The following PDE1C variants were observed in gnomAD, a reference collection of about 807,000 sequenced individuals.
The protein encoded by PDE1C is phosphodiesterase 1C.
In PDE1C, 62 loss-of-function variants were observed where a neutral mutation model predicts 93.1. The observed-to-expected ratio is 0.67, with a 90% confidence interval of 0.54 to 0.82. PDE1C has a LOEUF of 0.82. PDE1C is among the 40% of genes least tolerant of loss of function. PDE1C has a pLI of 0.00. For missense variants in PDE1C, 742 were observed against 884.6 expected (o/e 0.84, Z 2.04); for synonymous variants, 325 against 310.1 (o/e 1.05, Z -0.50).
At chr7:31,782,058 A>G (rs1026486026) in intron 16 of PDE1C, among the ~76,000 whole-genome samples, 14 of 152,234 alleles carry the variant, frequency 9.2e-5, no homozygotes, top group African/African-American at 3.1e-4. Context: ...AGCGTTATGT[A>G]CAAAGAGCTC....
intron 1 of PDE1C, among the ~76,000 whole-genome samples, chr7:32,319,398 TC>T (rs1562671986): frequency 6.6e-6 from 1 of 152,040 alleles, no homozygotes; most frequent in East Asian, 1.9e-4. Flanking sequence ...TTGACTCTTC[TC>T]CCTCCAGCCA....
intron 16 of PDE1C, among the ~76,000 whole-genome samples, chr7:31,800,824 G>T (rs921728998): frequency 9.3e-5 from 14 of 151,186 alleles, no homozygotes; most frequent in Non-Finnish European, 2.1e-4. Context: ...AGATCAACAT[G>T]GGAAGAATTT....
intron 3 of PDE1C, among the ~76,000 whole-genome samples, chr7:32,147,993 A>AAAAAAAAAAAAAAAAAG: frequency 6.7e-6 from 1 of 150,354 alleles, no homozygotes; most frequent in Non-Finnish European, 1.5e-5. Context: ...CTAAAAAAAA[A>AAAAAAAAAAAAAAAAAG]AAAAAAAAAA....
intron 1 of PDE1C, among the ~76,000 whole-genome samples, chr7:32,370,986 T>A (rs1585129521): frequency 6.6e-6 from 1 of 151,378 alleles, no homozygotes; most frequent in East Asian, 1.9e-4. Context: ...ATATTCTCAC[T>A]CATATATGGA....
the PDE1C span, among the ~76,000 whole-genome samples, chr7:31,624,568 T>C: frequency 7.1e-6 from 1 of 139,972 alleles, no homozygotes; most frequent in Non-Finnish European, 1.5e-5. Flanking sequence ...TGGCTAGCCA[T>C]ATGTAGAAAG....
chr7:32,366,335 C>A (rs182494), intron 1 of PDE1C, among the ~76,000 whole-genome samples: 139,888 of 152,210 alleles, frequency 0.92, 64,850 homozygotes, highest in East Asian at 1. Flanking sequence ...AAGCAAATGA[C>A]ATAATTTCTG....
chr7:32,327,638 C>T (rs767554891), intron 1 of PDE1C, among the ~76,000 whole-genome samples: 99 of 152,100 alleles, frequency 6.5e-4, no homozygotes, highest in Middle Eastern at 6.8e-3. Flanking sequence ...ATGGTGGCGG[C>T]GCATGCCTGT....
rs567356506 is a variant in PDE1C at position 32,272,372 on chromosome 7, C to T, written c.85+26279G>A. Reference sequence around the variant, plus strand: ...AGACTAGATCATGTACATATATATCCATTTGTCCCACAAGGGAATTTCAGA... The same window carrying T: ...AGACTAGATCATGTACATATATATCTATTTGTCCCACAAGGGAATTTCAGA... On this transcript the variant is annotated intron_variant, in intron 1 of 18. Coordinates refer to the PDE1C transcript ENST00000396193. Among the ~76,000 whole-genome samples, 4 of 152,286 alleles carry T rather than the reference C, an allele frequency of 2.6e-5. No homozygotes were observed. In the South Asian group the frequency reaches 8.3e-4, roughly 32 times the overall value.
At chr7:32,368,525 C>G (rs1225523699) in intron 1 of PDE1C, among the ~76,000 whole-genome samples, 2 of 152,038 alleles carry the variant, frequency 1.3e-5, no homozygotes, top group Admixed American at 1.3e-4. Context: ...AATTGGAAAA[C>G]AGCCCATACT....
chr7:32,403,985 A>G (rs1434422805), intron 1 of PDE1C, among the ~76,000 whole-genome samples: 2 of 152,194 alleles, frequency 1.3e-5, no homozygotes, highest in African/African-American at 4.8e-5. Flanking sequence ...CACCCTCAAC[A>G]CAAGAATCTG....
At chr7:31,697,081 G>T in the PDE1C span, 1 of 1,613,966 alleles carries the variant, frequency 6.2e-7, no homozygotes, top group South Asian at 1.1e-5. Context: ...AAGGAGAAAA[G>T]ACACACCTGC....
At chr7:32,390,624 A>T (rs910808164) in intron 1 of PDE1C, among the ~76,000 whole-genome samples, 1 of 151,796 alleles carries the variant, frequency 6.6e-6, no homozygotes, top group Admixed American at 6.6e-5. Flanking sequence ...AGGCAGGAGG[A>T]TCACTTGAGC....
the PDE1C span, chr7:31,653,177 G>T: frequency 4.2e-6 from 1 of 236,920 alleles, no homozygotes; most frequent in Non-Finnish European, 8.0e-6. Flanking sequence ...TTTTGCCAAG[G>T]TTAAGGATAC....
At chr7:31,651,950 A>G in the PDE1C span, 2,466 of 1,596,006 alleles carry the variant, frequency 1.5e-3, 3 homozygotes, top group Non-Finnish European at 1.5e-3. Flanking sequence ...GAGGAGGCCG[A>G]GCAACTGCAA....
At chr7:31,805,531 C>G (rs1385709462) in intron 16 of PDE1C, among the ~76,000 whole-genome samples, 1 of 151,550 alleles carries the variant, frequency 6.6e-6, no homozygotes, top group East Asian at 2.0e-4. Context: ...GATTTTTATT[C>G]AACTTCTCAA....
chr7:32,423,776 G>A (rs1785479563), intron 1 of PDE1C, among the ~76,000 whole-genome samples: 1 of 152,124 alleles, frequency 6.6e-6, no homozygotes, highest in Non-Finnish European at 1.5e-5. Flanking sequence ...GATGAATGTT[G>A]GCTACACTTT....
chr7:32,125,602 G>A (rs1398333098), intron 3 of PDE1C, among the ~76,000 whole-genome samples: 2 of 152,102 alleles, frequency 1.3e-5, no homozygotes, highest in African/African-American at 4.8e-5. Flanking sequence ...ATAATCCTCA[G>A]CAAACTAACA....
intron 3 of PDE1C, among the ~76,000 whole-genome samples, chr7:32,094,455 T>C (rs1203378481): frequency 2.0e-5 from 3 of 152,224 alleles, no homozygotes; most frequent in Non-Finnish European, 1.5e-5. Context: ...TTTACTACTT[T>C]AAGTACTTTC....
At chr7:31,852,511 C>CT (rs1793472403) in intron 7 of PDE1C, among the ~76,000 whole-genome samples, 1 of 152,282 alleles carries the variant, frequency 6.6e-6, no homozygotes, top group East Asian at 1.9e-4. Context: ...TCATCAGCCT[C>CT]TTCATTGTCT....
Sources: gnomAD v4.1 joint callset for allele counts (sites outside exome capture counted in the v4.1 genomes callset) on GRCh38, gnomAD v4.1.1 for gene constraint, MANE v1.5 for transcripts, NCBI Gene and HGNC (gene_info 2026-07-23, HGNC 2026-07-21) for gene names.